The following PRAG1 variants were observed in gnomAD, a reference collection of about 807,000 sequenced individuals.
The protein encoded by PRAG1 is PEAK1 related, kinase-activating pseudokinase 1.
Under a neutral mutation model 95.6 loss-of-function variants are expected in PRAG1, and 110 were observed. The observed-to-expected ratio is 1.15, with a 90% CI of 0.99 to 1.35. The LOEUF (loss-of-function observed/expected upper bound fraction) is 1.35. PRAG1 is among the 40% of genes most tolerant of loss of function. The probability of loss-of-function intolerance (pLI) is 0.00; values close to 1 mark genes in which losing one functional copy is unlikely to be tolerated. For synonymous variants in PRAG1, 1,052 were observed against 819.4 expected, an observed-to-expected ratio of 1.28 and a Z score of -4.85; for missense variants, 2,554 against 1,864.7, an observed-to-expected ratio of 1.37 and a Z score of -6.81.
intron 4 of PRAG1, 121 bp from the exon 5 acceptor site, chr8:8,328,582 T>G: frequency 9.1e-7 from 1 of 1,093,032 alleles, no homozygotes; most frequent in Non-Finnish European, 1.3e-6. Flanking sequence ...TTTATGTTAC[T>G]TCTTTTCTAT....
Position 8,327,897 on chromosome 8 carries a change from G to T in PRAG1, c.2885C>A (p.Ser962Tyr). 1 of 1,614,230 alleles carries T rather than the reference G, an allele frequency of 6.2e-7. No individual in the cohort carries two copies. The highest frequency in any genetic ancestry group is 8.5e-7 in the Non-Finnish European group (1 of 1,180,028). The change falls in exon 5 of 6, where the codon TCC becomes TAC. Residue 962 changes from serine to tyrosine, a missense_variant. Physicochemically the swap from Ser to Tyr is moderately radical, Grantham distance 144. Coordinates refer to ENST00000615670, the MANE Select transcript of PRAG1 (RefSeq NM_001080826.3). ...YAKLGGLYTQSLARLVAKCED... is the reference protein window; with the variant it reads ...YAKLGGLYTQYLARLVAKCED... ...ACATTTGGCTACAAGGCGGGCCAGG[G>T]ACTGGGTGTAGAGTCCCCCCAGCTT...
At position 8,319,036 on chromosome 8, in the gene PRAG1, CG is replaced by C; in HGVS notation, c.3338del (p.Ala1113GlyfsTer24). On this transcript the variant is annotated frameshift_variant, in exon 6 of 6. Coordinates refer to ENST00000615670, the MANE Select transcript of PRAG1 (RefSeq NM_001080826.3). LOFTEE classifies it high-confidence loss of function. ...FVRDSAASHQ[A>X]EPEAYERRVC... ...CGCGCCGCTCGTACGCCTCGGGCTC[CG>C]CCTGGTGGCTGGCCGCCGAGTCCCG... 1 of 1,613,176 alleles carries C rather than the reference CG, an allele frequency of 6.2e-7. No homozygotes were observed. The highest frequency in any genetic ancestry group is 8.5e-7 in the Non-Finnish European group (1 of 1,179,822).
Position 8,328,138 on chromosome 8 carries a change from G to A in PRAG1, c.2644C>T (p.Leu882=), listed in dbSNP as rs764681581. 1.2e-6 allele frequency: 2 copies of A among 1,614,228 alleles called. No homozygotes were observed. The highest frequency in any genetic ancestry group is 2.2e-5 in the South Asian group (2 of 91,082). ...HHPVFSSSDP[L]EKAFKGSGHW... ...CCACTGCCTTTGAAAGCTTTCTCCA[G>A]AGGATCGGAAGAGGAGAAGACAGGA... is the stretch of plus-strand genomic sequence containing the variant. The change falls in exon 5 of 6, where the codon CTG becomes TTG. Residue 882 remains leucine, a synonymous_variant. Coordinates refer to ENST00000615670, the MANE Select transcript of PRAG1 (RefSeq NM_001080826.3).
In PRAG1 at chr8:8,318,157, C is replaced by G; in HGVS notation, c.4218G>C (p.Leu1406=). 6.2e-7 allele frequency: 1 copy of G among 1,611,272 alleles called. No homozygotes were observed. The highest frequency in any genetic ancestry group is 8.5e-7 in the Non-Finnish European group (1 of 1,178,518). Residue 1406 remains leucine, a synonymous_variant, in exon 6 of 6, where the codon CTG becomes CTC. Transcript: ENST00000615670. This position sits in a 1 kb window ranked among gnomAD's most constrained non-coding sequence, Gnocchi z 4.2. ...ACGGTGCAGGCTGGGGCTTGGCTCA[C>G]AGAAGCTGCAGGAGCTTCAGCGACT... The part of the protein sequence containing the change: ...LLQSLKLLQL[L]
intron 1 of PRAG1, among the ~76,000 whole-genome samples, chr8:8,382,921 G>A (rs932823773): frequency 6.6e-6 from 1 of 152,196 alleles, no homozygotes; most frequent in Non-Finnish European, 1.5e-5. Context: ...CCCTGCAGTG[G>A]TGATTTGCGC....
intron 3 of PRAG1, among the ~76,000 whole-genome samples, chr8:8,364,915 A>G (rs1484310841): frequency 6.6e-6 from 1 of 152,170 alleles, no homozygotes; most frequent in East Asian, 1.9e-4. Flanking sequence ...ACAAGCATTG[A>G]GAGTGTTTGG....
Position 8,319,286 on chromosome 8 carries a change from T to C in PRAG1, c.3089A>G (p.Glu1030Gly), listed in dbSNP as rs1798398875. 1 of 1,513,118 alleles carries C rather than the reference T, an allele frequency of 6.6e-7. No homozygotes were observed. Among genetic ancestry groups the C allele is most frequent in the African/African-American group, 1.4e-5 (1 of 72,292 alleles). The allele number at this position is 1,513,118 out of a possible 1,614,324, so 93.7% of individuals were successfully genotyped here. A position where few individuals can be genotyped will look rare whatever the true frequency, so the allele number is the denominator to read the frequency against. Residue 1030 changes from glutamate to glycine, a missense_variant, in exon 6 of 6, where the codon GAG becomes GGG. Coordinates refer to ENST00000615670, the MANE Select transcript of PRAG1 (RefSeq NM_001080826.3). ...GCTGCAGTAGGAGACTGTTTTGGGCTCAGGGGCTTTGCAGATCTGTGGAGA... is the reference window on the plus strand; with the variant it reads ...GCTGCAGTAGGAGACTGTTTTGGGCCCAGGGGCTTTGCAGATCTGTGGAGA... Reference protein sequence around the residue: ...TYAVKICKAPEPKTVSYCSPS... With the variant: ...TYAVKICKAPGPKTVSYCSPS...
At chr8:8,351,273 A>G (rs541599187) in intron 3 of PRAG1, among the ~76,000 whole-genome samples, 32 of 152,240 alleles carry the variant, frequency 2.1e-4, no homozygotes, top group Admixed American at 6.5e-4. Context: ...TTGAACAACC[A>G]TATCTCATGA....
chr8:8,370,198 T>C (rs1404567722), intron 3 of PRAG1, among the ~76,000 whole-genome samples: 1 of 152,268 alleles, frequency 6.6e-6, no homozygotes, highest in Non-Finnish European at 1.5e-5. Flanking sequence ...TCAATTTCAA[T>C]GGTCCCTGCT....
Position 8,377,821 on chromosome 8 carries a change from A to C in PRAG1, c.588T>G (p.Pro196=). The C allele has an allele frequency of 6.2e-7, 1 of 1,614,152 alleles. No individual in the cohort carries two copies. Residue 196 remains proline (P), a synonymous_variant, in exon 3 of 6, where the codon CCT becomes CCG. Coordinates refer to ENST00000615670, the MANE Select transcript of PRAG1 (RefSeq NM_001080826.3). ...CCTGGGTGGAGGGCCGGTCTTGGTAAGGAAATGAGGGTTTTTCTTTGTGCA... is the reference window on the plus strand; with the variant it reads ...CCTGGGTGGAGGGCCGGTCTTGGTACGGAAATGAGGGTTTTTCTTTGTGCA... ...KAVHKEKPSF[P]YQDRPSTQES...
Position 8,318,384 on chromosome 8 carries a change from C to G in PRAG1, c.3991G>C (p.Gly1331Arg). The G allele has an allele frequency of 6.2e-7, 1 of 1,613,464 alleles. No homozygotes were observed. The highest frequency in any genetic ancestry group is 1.1e-5 in the South Asian group (1 of 91,020). ...TGCTGCACCAGCTCGCGCCGAGGCC[C>G]CCACAGCAGGCACTGCAGCACGCGC... ...AKRVLQCLLWGPRRELVQQPG... is the reference protein window; with the variant it reads ...AKRVLQCLLWRPRRELVQQPG... The change falls in exon 6 of 6, where the codon GGG (glycine) becomes CGG (arginine). Residue 1331 changes from glycine (G) to arginine (R), a missense_variant. Gly to Arg is a moderately radical substitution (Grantham distance 125). Coordinates refer to ENST00000615670, the MANE Select transcript of PRAG1 (RefSeq NM_001080826.3). The surrounding 1 kb of genome is among the most constrained non-coding windows in gnomAD (Gnocchi z 4.2).
chr8:8,378,041 G>A lies in PRAG1; in HGVS notation c.368C>T (p.Pro123Leu), dbSNP rs200171805. 3.8e-5 allele frequency: 59 copies of A among 1,555,270 alleles called. No homozygotes were observed. The highest frequency in any genetic ancestry group is 5.5e-5 in the African/African-American group (4 of 73,170). ...WRRAPGKLPL[P>L]KQEDAPVVYL... ...GACGACGGGGGCATCCTCCTGCTTC[G>A]GGAGGGGGAGCTTGCCAGGGGCTCG... Residue 123 changes from proline (P) to leucine (L), a missense_variant, in exon 3 of 6, where the codon CCG becomes CTG. Coordinates refer to ENST00000615670, the MANE Select transcript of PRAG1 (RefSeq NM_001080826.3).
chr8:8,380,786 G>A (rs1800607480), intron 2 of PRAG1, among the ~76,000 whole-genome samples: 2 of 142,978 alleles, frequency 1.4e-5, no homozygotes, highest in Admixed American at 7.2e-5. Context: ...CAGGGAGTCA[G>A]AGATTGCAGT....
rs1800392517 is a variant in PRAG1 at position 8,376,415 on chromosome 8, T to C, written c.1994A>G (p.His665Arg). 1 of 1,614,102 alleles carries C rather than the reference T, an allele frequency of 6.2e-7. No individual in the cohort carries two copies. Among genetic ancestry groups the C allele is most frequent in the African/African-American group, 1.3e-5 (1 of 74,926 alleles). ...ACGGTGCCAGGTCGTGGAGTTTGAA[T>C]GGTCCGTGGGGCCATTTTTGGTCTC... is the stretch of plus-strand genomic sequence containing the variant. ...GRETKNGPTD[H>R]SNSTTWHRLH... The change falls in exon 3 of 6, where the codon CAT (histidine) becomes CGT (arginine). Residue 665 changes from histidine (H) to arginine (R), a missense_variant. Coordinates refer to ENST00000615670, the MANE Select transcript of PRAG1 (RefSeq NM_001080826.3).
chr8:8,370,285 C>T (rs1380548898), intron 3 of PRAG1, among the ~76,000 whole-genome samples: 1 of 152,198 alleles, frequency 6.6e-6, no homozygotes, highest in Non-Finnish European at 1.5e-5. Flanking sequence ...TGAATTTGCC[C>T]CTGGCATGGC....
intron 4 of PRAG1, among the ~76,000 whole-genome samples, chr8:8,337,776 G>A (rs979603604): frequency 4.6e-5 from 7 of 152,110 alleles, no homozygotes; most frequent in Non-Finnish European, 7.4e-5. Flanking sequence ...AGGTTTCCCC[G>A]TTGAACTCGC....
chr8:8,355,894 C>G (rs950082250), intron 3 of PRAG1, among the ~76,000 whole-genome samples: 2 of 152,094 alleles, frequency 1.3e-5, no homozygotes, highest in African/African-American at 4.8e-5. Flanking sequence ...GCACCAAAAG[C>G]TCAGACTACA....
Position 8,319,156 on chromosome 8 carries a change from C to T in PRAG1, c.3219G>A (p.Val1073=). The T allele has an allele frequency of 3.7e-6, 6 of 1,605,294 alleles. No individual in the cohort carries two copies. The highest frequency in any genetic ancestry group is 5.1e-6 in the Non-Finnish European group (6 of 1,175,968). The change falls in exon 6 of 6, where the codon GTG becomes GTA. Residue 1073 remains valine (V), a synonymous_variant. Transcript: ENST00000615670. ...CAGGGGGGTGTGTGGGCAGGGCAGGCACAGGGTCCTTGGGCGCGTCGGGGG... is the reference window on the plus strand; with the variant it reads ...CAGGGGGGTGTGTGGGCAGGGCAGGTACAGGGTCCTTGGGCGCGTCGGGGG... ...LSSPDAPKDP[V]PALPTHPPAQ...
intron 3 of PRAG1, among the ~76,000 whole-genome samples, chr8:8,360,480 T>C (rs1243923466): frequency 6.6e-6 from 1 of 152,230 alleles, no homozygotes; most frequent in East Asian, 1.9e-4. Context: ...CCCTACATCA[T>C]CTGTCCTGGT....
Sources: gnomAD v4.1 joint callset for allele counts (sites outside exome capture counted in the v4.1 genomes callset) on GRCh38, gnomAD v4.1.1 for gene constraint, Gnocchi (gnomAD v3.1) non-coding constraint, MANE v1.5 for transcripts, NCBI Gene and HGNC (gene_info 2026-07-23, HGNC 2026-07-21) for gene names.